CMTM6: variants seen among roughly 807,000 people sequenced by gnomAD.
CMTM6 encodes the protein CKLF like MARVEL transmembrane domain containing 6.
A neutral mutation model predicts 13.6 loss-of-function variants in CMTM6; 5 were observed. The observed-to-expected ratio is 0.37, with a 90% CI of 0.19 to 0.77. The LOEUF (loss-of-function observed/expected upper bound fraction) is 0.77. CMTM6 is among the 30% of genes least tolerant of loss of function. The pLI is 0.50. For synonymous variants in CMTM6, 99 were observed against 84.5 expected (o/e 1.17, Z -0.94); for missense variants, 196 against 218.6 (o/e 0.90, Z 0.65).
At chr3:32,496,965 T>G (rs1046013957) in intron 1 of CMTM6, among the ~76,000 whole-genome samples, 1 of 152,038 alleles carries the variant, frequency 6.6e-6, no homozygotes, top group Non-Finnish European at 1.5e-5. Flanking sequence ...TCTGGTTTAG[T>G]AGGTTAGAAA....
intron 1 of CMTM6, among the ~76,000 whole-genome samples, chr3:32,496,716 C>T (rs1697295275): frequency 6.6e-6 from 1 of 152,226 alleles, no homozygotes; most frequent in East Asian, 1.9e-4. Context: ...AGGACTCAAA[C>T]CAGGCAGAGA....
At position 32,489,040 on chromosome 3, in the gene CMTM6, G is replaced by C. The variant is rs543894191; in HGVS notation, c.316-1004C>G. On this transcript the variant is annotated intron_variant, in intron 2 of 3. Transcript: ENST00000205636. ...TCTCAGCACTTTGGGAGGCCGAGAC[G>C]GGCAGATCACGAGGTCAGGAGTTCG... Among the ~76,000 whole-genome samples the C allele has an allele frequency of 6.1e-5, 9 of 148,558 alleles. No individual in the cohort carries two copies. The East Asian group carries it at 1.9e-3, about 31-fold the overall frequency.
In CMTM6 at chr3:32,483,770, T is replaced by A. The variant is rs1032646322; in HGVS notation, c.*190A>T. ...GTTTCAATTATTATTTAAAAAAAAA[T>A]TTTTTTTAACTTATCTGGCCTACTT... On this transcript the variant is annotated 3_prime_UTR_variant, in exon 4 of 4. Coordinates refer to ENST00000205636, the MANE Select transcript of CMTM6 (RefSeq NM_017801.3). 1.6e-4 allele frequency: 65 copies of A among 403,612 alleles called. 1 individual carries two copies. Among genetic ancestry groups the A allele is most frequent in the Middle Eastern group, 1.4e-3 (2 of 1,458 alleles). The allele number at this position is 403,612 out of a possible 1,614,324, so 25.0% of individuals were successfully genotyped here.
chr3:32,501,451 T>C (rs1374751686), intron 1 of CMTM6, among the ~76,000 whole-genome samples: 1 of 152,066 alleles, frequency 6.6e-6, no homozygotes, highest in East Asian at 1.9e-4. Context: ...AGAGGGAGAC[T>C]GGGAGAAAGA....
chr3:32,500,519 C>T (rs1697335202), intron 1 of CMTM6, among the ~76,000 whole-genome samples: 1 of 152,206 alleles, frequency 6.6e-6, no homozygotes, highest in African/African-American at 2.4e-5. Context: ...ATGACAATTT[C>T]CCCATAAACA....
At chr3:32,486,495 C>T (rs1199951750) in intron 3 of CMTM6, among the ~76,000 whole-genome samples, 4 of 152,116 alleles carry the variant, frequency 2.6e-5, no homozygotes, top group Admixed American at 1.3e-4. Flanking sequence ...AGGGTACTGT[C>T]GCAGGCCCTC....
intron 3 of CMTM6, chr3:32,487,648 G>A (rs1697215365): frequency 4.5e-6 from 1 of 221,624 alleles, no homozygotes. Context: ...TGAACTGAAA[G>A]TGGAGAAATA....
chr3:32,502,405 G>A (rs994285535), intron 1 of CMTM6, among the ~76,000 whole-genome samples: 6 of 152,244 alleles, frequency 3.9e-5, no homozygotes, highest in African/African-American at 1.4e-4. Context: ...TCCCGATGGG[G>A]AGAGCCTTGG....
intron 1 of CMTM6, among the ~76,000 whole-genome samples, chr3:32,499,742 G>C (rs1697328997): frequency 6.6e-6 from 1 of 152,080 alleles, no homozygotes; most frequent in Non-Finnish European, 1.5e-5. Flanking sequence ...CAAAACTTAG[G>C]TCATATCTAA....
chr3:32,501,108 T>C (rs1055517703), intron 1 of CMTM6, among the ~76,000 whole-genome samples: 1 of 146,134 alleles, frequency 6.8e-6, no homozygotes, highest in Non-Finnish European at 1.5e-5. Context: ...GAGAATTGCC[T>C]GAACCCGGGA....
In CMTM6 at chr3:32,483,342, A is replaced by C. The variant is rs964675568; in HGVS notation, c.*618T>G. The C allele has an allele frequency of 2.0e-5, 3 of 152,654 alleles. No homozygotes were observed. Among genetic ancestry groups the C allele is most frequent in the Non-Finnish European group, 4.4e-5 (3 of 68,044 alleles). The allele number at this position is 152,654 out of a possible 1,614,324, so 9.5% of individuals were successfully genotyped here. ...AATACCAACATCTCCCATACATTTT[A>C]TAGGCTATACGAAGGTCTCAAAGAA... is the stretch of plus-strand genomic sequence containing the variant. On this transcript the variant is annotated 3_prime_UTR_variant, in exon 4 of 4. Transcript: ENST00000205636.
At chr3:32,493,218 G>C (rs1697263915) in intron 1 of CMTM6, among the ~76,000 whole-genome samples, 1 of 152,214 alleles carries the variant, frequency 6.6e-6, no homozygotes, top group Admixed American at 6.5e-5. Context: ...AAGAGTTCTA[G>C]AGTGCTAATG....
intron 2 of CMTM6, among the ~76,000 whole-genome samples, chr3:32,489,740 C>A (rs1162910356): frequency 6.6e-6 from 1 of 151,270 alleles, no homozygotes; most frequent in African/African-American, 2.4e-5. Flanking sequence ...TTGATTATTT[C>A]AAATTTATTA....
At chr3:32,498,435 A>C (rs893529021) in intron 1 of CMTM6, among the ~76,000 whole-genome samples, 3 of 152,110 alleles carry the variant, frequency 2.0e-5, no homozygotes, top group African/African-American at 7.2e-5. Context: ...AGTTCTGTAT[A>C]TTTCCTTTAA....
At chr3:32,492,827 T>C (rs1697260018) in intron 1 of CMTM6, among the ~76,000 whole-genome samples, 1 of 152,210 alleles carries the variant, frequency 6.6e-6, no homozygotes, top group Non-Finnish European at 1.5e-5. Flanking sequence ...CTGAAGTGAG[T>C]ATTTTCTTTA....
chr3:32,490,626 G>T (rs1294985706), intron 2 of CMTM6, among the ~76,000 whole-genome samples: 2 of 151,930 alleles, frequency 1.3e-5, no homozygotes, highest in African/African-American at 4.8e-5. Flanking sequence ...TATAATAAAG[G>T]TTTTACTTTT....
At position 32,484,058 on chromosome 3, in the gene CMTM6, A is replaced by T. The variant is rs772811067; in HGVS notation, c.454T>A (p.Phe152Ile). Residue 152 changes from phenylalanine to isoleucine, a missense_variant, in exon 4 of 4, where the codon TTT (phenylalanine) becomes ATT (isoleucine). Phe to Ile is a conservative substitution (Grantham distance 21, BLOSUM62 0). Transcript: ENST00000205636. ...FIASFMFLLD[F>I]ITMLYEKRQE... ...CGTTTTTCATACAGCATAGTGATAA[A>T]GTCAAGTAGGAACATAAAACTTGCT... 1.2e-6 allele frequency: 2 copies of T among 1,608,336 alleles called. No individual in the cohort carries two copies. The highest frequency in any genetic ancestry group is 2.2e-5 in the South Asian group (2 of 90,076).
At chr3:32,488,599 A>C (rs1188753514) in intron 2 of CMTM6, among the ~76,000 whole-genome samples, 1 of 152,242 alleles carries the variant, frequency 6.6e-6, no homozygotes, top group East Asian at 1.9e-4. Flanking sequence ...AAAAGAAAGA[A>C]TTTTAAAAAC....
intron 3 of CMTM6, chr3:32,487,705 G>A (rs1006039317): frequency 1.1e-5 from 4 of 357,010 alleles, no homozygotes; most frequent in East Asian, 4.4e-5. Flanking sequence ...AATAACACAC[G>A]GTATGTGGAG....
Sources: gnomAD v4.1 joint callset for allele counts (sites outside exome capture counted in the v4.1 genomes callset) on GRCh38, gnomAD v4.1.1 for gene constraint, MANE v1.5 for transcripts, NCBI Gene and HGNC (gene_info 2026-07-23, HGNC 2026-07-21) for gene names.